SLC2A13: variants seen among roughly 807,000 people sequenced by gnomAD.
The protein encoded by SLC2A13 is solute carrier family 2 member 13, also known as proton myo-inositol cotransporter.
A neutral mutation model predicts 64.4 loss-of-function variants in SLC2A13; 32 were observed. The ratio of observed to expected loss-of-function variants is 0.50; its 90% CI spans 0.37 to 0.67. The LOEUF (loss-of-function observed/expected upper bound fraction) is 0.67. SLC2A13 is among the 30% of genes least tolerant of loss of function. The pLI is 0.00. For synonymous variants in SLC2A13, 338 were observed against 327.1 expected (o/e 1.03, Z -0.36); for missense variants, 743 against 829.2 (o/e 0.90, Z 1.28).
At chr12:39,990,159 T>C (rs1398125811) in intron 3 of SLC2A13, among the ~76,000 whole-genome samples, 3 of 152,198 alleles carry the variant, frequency 2.0e-5, no homozygotes, top group African/African-American at 7.2e-5. Flanking sequence ...GATCAAATAT[T>C]AGTTCCTTTT....
chr12:39,796,888 T>C (rs1199083587), intron 7 of SLC2A13, among the ~76,000 whole-genome samples: 3 of 152,188 alleles, frequency 2.0e-5, no homozygotes, highest in Non-Finnish European at 2.9e-5. Context: ...TATTTCCTTA[T>C]AACACATTTC....
chr12:40,032,856 C>A (rs1947925089), intron 2 of SLC2A13, among the ~76,000 whole-genome samples: 1 of 152,216 alleles, frequency 6.6e-6, no homozygotes, highest in South Asian at 2.1e-4. Context: ...CCTCTCTGAA[C>A]TGATAACATG....
chr12:39,934,244 C>A (rs550017954), intron 4 of SLC2A13, among the ~76,000 whole-genome samples: 1 of 152,174 alleles, frequency 6.6e-6, no homozygotes, highest in Non-Finnish European at 1.5e-5. Context: ...TAGCTGTTGA[C>A]ATAACAACTA....
intron 7 of SLC2A13, among the ~76,000 whole-genome samples, chr12:39,783,192 A>G (rs185865499): frequency 2.6e-5 from 4 of 152,296 alleles, no homozygotes; most frequent in Admixed American, 6.5e-5. Context: ...CCTACGAAGG[A>G]CATGAACTCA....
chr12:39,993,782 T>G (rs1947178623), intron 3 of SLC2A13, among the ~76,000 whole-genome samples: 1 of 152,234 alleles, frequency 6.6e-6, no homozygotes, highest in Admixed American at 6.5e-5. Context: ...TTTGCATTCA[T>G]CTGTAGAAAA....
intron 3 of SLC2A13, among the ~76,000 whole-genome samples, chr12:39,959,275 T>C (rs1034903319): frequency 6.6e-6 from 1 of 152,218 alleles, no homozygotes; most frequent in Non-Finnish European, 1.5e-5. Flanking sequence ...AATGGACTGC[T>C]GCTATTGATG....
chr12:39,765,838 T>C (rs1940329257), intron 7 of SLC2A13, among the ~76,000 whole-genome samples: 1 of 152,100 alleles, frequency 6.6e-6, no homozygotes. Flanking sequence ...ACCTAGGTAT[T>C]AAGCCCCATG....
At chr12:39,968,087 G>A (rs1213982912) in intron 3 of SLC2A13, among the ~76,000 whole-genome samples, 4 of 152,078 alleles carry the variant, frequency 2.6e-5, no homozygotes, top group Non-Finnish European at 5.9e-5. Flanking sequence ...TGCTAATAAA[G>A]ACATACCCGA....
chr12:39,961,440 C>G (rs1011306280), intron 3 of SLC2A13, among the ~76,000 whole-genome samples: 3 of 152,106 alleles, frequency 2.0e-5, no homozygotes, highest in Non-Finnish European at 4.4e-5. Context: ...TGATACGTAT[C>G]CTTAAACAGA....
chr12:39,941,841 C>T (rs1458453651), intron 4 of SLC2A13, among the ~76,000 whole-genome samples: 1 of 152,110 alleles, frequency 6.6e-6, no homozygotes, highest in African/African-American at 2.4e-5. Flanking sequence ...TTTATAGTTT[C>T]AGGTCTTGGG....
intron 6 of SLC2A13, among the ~76,000 whole-genome samples, chr12:39,844,082 C>A (rs967583467): frequency 2.6e-5 from 4 of 152,014 alleles, no homozygotes; most frequent in Non-Finnish European, 4.4e-5. Flanking sequence ...AACTCCTTTA[C>A]ATAAGCCTTA....
chr12:39,858,838 C>T (rs1391853744), intron 6 of SLC2A13, among the ~76,000 whole-genome samples: 1 of 152,160 alleles, frequency 6.6e-6, no homozygotes. Context: ...GAACTCCTGA[C>T]CTCATGATCC....
intron 3 of SLC2A13, among the ~76,000 whole-genome samples, chr12:40,001,068 C>G (rs1947314874): frequency 6.6e-6 from 1 of 152,222 alleles, no homozygotes; most frequent in South Asian, 2.1e-4. Flanking sequence ...CATATGTAAA[C>G]ATCAACATGA....
At chr12:39,952,603 A>C (rs1048263883) in intron 3 of SLC2A13, among the ~76,000 whole-genome samples, 3 of 152,152 alleles carry the variant, frequency 2.0e-5, no homozygotes, top group African/African-American at 7.2e-5. Flanking sequence ...TAATCATAAA[A>C]CTTGAGTTAT....
At chr12:39,910,370 A>G (rs1945402386) in intron 4 of SLC2A13, among the ~76,000 whole-genome samples, 1 of 152,132 alleles carries the variant, frequency 6.6e-6, no homozygotes, top group Non-Finnish European at 1.5e-5. Context: ...TGGTAAAGTT[A>G]ATACTTGGAG....
chr12:40,003,893 T>A (rs1947361863), intron 3 of SLC2A13, among the ~76,000 whole-genome samples: 1 of 151,852 alleles, frequency 6.6e-6, no homozygotes, highest in South Asian at 2.1e-4. Flanking sequence ...CTTGGGAGGC[T>A]GAGGAAGGAG....
intron 4 of SLC2A13, among the ~76,000 whole-genome samples, chr12:39,943,986 C>T (rs558806631): frequency 6.7e-6 from 1 of 150,124 alleles, no homozygotes; most frequent in Non-Finnish European, 1.5e-5. Context: ...GCATTTAGGG[C>T]TATGAACTTT....
intron 6 of SLC2A13, among the ~76,000 whole-genome samples, chr12:39,848,277 C>T (rs141691758): frequency 6.6e-6 from 1 of 152,222 alleles, no homozygotes; most frequent in East Asian, 1.9e-4. Context: ...ACAAACTATG[C>T]ATCTGACAAA....
Position 40,105,196 on chromosome 12 carries a change from A to T in SLC2A13, c.556+57T>A, listed in dbSNP as rs1279889979. 6.8e-7 allele frequency: 1 copy of T among 1,464,482 alleles called. No homozygotes were observed. The highest frequency in any genetic ancestry group is 9.0e-7 in the Non-Finnish European group (1 of 1,112,458). 90.7% of individuals were successfully genotyped at this position (1,464,482 alleles called of 1,614,324 possible). A position where few individuals can be genotyped will look rare whatever the true frequency, so the allele number is the denominator to read the frequency against. ...GATGGGCAAGAGGCACGCAACACCC[A>T]GGGTCAAGGGCGGTGACAATGGGAT... On this transcript the variant is annotated intron_variant, in intron 1 of 9. Coordinates refer to ENST00000280871, the MANE Select transcript of SLC2A13 (RefSeq NM_052885.4). The surrounding 1 kb of genome is among the most constrained non-coding windows in gnomAD (Gnocchi z 4.2).
Sources: gnomAD v4.1 joint callset for allele counts (sites outside exome capture counted in the v4.1 genomes callset) on GRCh38, gnomAD v4.1.1 for gene constraint, Gnocchi (gnomAD v3.1) non-coding constraint, MANE v1.5 for transcripts, NCBI Gene and HGNC (gene_info 2026-07-23, HGNC 2026-07-21) for gene names.